The following SPATA7 variants were observed in gnomAD, a reference collection of about 807,000 sequenced individuals.
SPATA7 encodes the protein spermatogenesis associated 7.
Under a neutral mutation model 51.8 loss-of-function variants are expected in SPATA7, and 43 were observed. The observed-to-expected ratio is 0.83, with a 90% CI of 0.65 to 1.07. The LOEUF (loss-of-function observed/expected upper bound fraction) is 1.07, where lower values mean the gene tolerates loss of function less well. Among genes scored for constraint, SPATA7 ranks in the 50% least tolerant of loss-of-function variants. SPATA7 has a pLI of 0.00. For missense variants in SPATA7, 683 were observed against 701.3 expected, an observed-to-expected ratio of 0.97 and a Z score of 0.30; for synonymous variants, 230 against 252.8, an observed-to-expected ratio of 0.91 and a Z score of 0.86.
At chr14:88,423,372 T>TAA (rs1176611400) in intron 5 of SPATA7, among the ~76,000 whole-genome samples, 5 of 70,886 alleles carry the variant, frequency 7.1e-5, no homozygotes, top group African/African-American at 3.2e-4. Context: ...ACCCCATCTC[T>TAA]ACAAAAAAAA....
intron 4 of SPATA7, among the ~76,000 whole-genome samples, chr14:88,407,043 T>C (rs922281797): frequency 6.6e-6 from 1 of 152,178 alleles, no homozygotes; most frequent in Non-Finnish European, 1.5e-5. Flanking sequence ...TGGTTCCAAG[T>C]CTTTGGTATT....
At chr14:88,435,517 G>T (rs1215474449) in intron 10 of SPATA7, among the ~76,000 whole-genome samples, 2 of 152,026 alleles carry the variant, frequency 1.3e-5, no homozygotes, top group Non-Finnish European at 2.9e-5. Context: ...CTGTCAAATG[G>T]TCTTATTCAT....
chr14:88,467,204 C>A (rs1451316591), intron 4 of SPATA7: 3 of 152,170 alleles, frequency 2.0e-5, no homozygotes, highest in Middle Eastern at 3.2e-3. Context: ...TCTCCCAAAA[C>A]GCTTCTCAGC....
At chr14:88,465,187 C>G (rs1009165105) in intron 4 of SPATA7, among the ~76,000 whole-genome samples, 1 of 152,188 alleles carries the variant, frequency 6.6e-6, no homozygotes, top group Non-Finnish European at 1.5e-5. Context: ...GACTTTCTGG[C>G]TGGACACAGT....
chr14:88,388,247 C>T (rs545527874), intron 1 of SPATA7, among the ~76,000 whole-genome samples: 6 of 152,252 alleles, frequency 3.9e-5, no homozygotes, highest in African/African-American at 1.4e-4. Flanking sequence ...AGACACTTAT[C>T]AATGGTAGAT....
At chr14:88,448,772 G>T (rs569805592) in intron 3 of SPATA7, among the ~76,000 whole-genome samples, 2 of 152,228 alleles carry the variant, frequency 1.3e-5, no homozygotes, top group South Asian at 4.1e-4. Context: ...CCCCTGCTTG[G>T]GGGTGCCTCC....
chr14:88,441,774 G>T (rs986238149), downstream of SPATA7, among the ~76,000 whole-genome samples: 1 of 152,094 alleles, frequency 6.6e-6, no homozygotes, highest in Admixed American at 6.6e-5. Context: ...AGATTGCAAA[G>T]ATTTTCTTCA....
intron 2 of SPATA7, among the ~76,000 whole-genome samples, chr14:88,393,113 A>G (rs1415260454): frequency 6.6e-6 from 1 of 152,146 alleles, no homozygotes; most frequent in Non-Finnish European, 1.5e-5. Context: ...CAAAAAAAAA[A>G]TAGTTCTGTA....
At chr14:88,443,492 A>G (rs1050129199) in intron 3 of SPATA7, among the ~76,000 whole-genome samples, 1 of 151,830 alleles carries the variant, frequency 6.6e-6, no homozygotes, top group African/African-American at 2.4e-5. Flanking sequence ...TTTATTTATT[A>G]TTATTATACT....
intron 3 of SPATA7, among the ~76,000 whole-genome samples, chr14:88,450,967 A>T (rs1223456517): frequency 2.0e-5 from 3 of 151,892 alleles, no homozygotes; most frequent in African/African-American, 4.8e-5. Flanking sequence ...CATAATCCCA[A>T]ACTTCTTGGA....
chr14:88,443,281 C>T (rs141000127), downstream of SPATA7, among the ~76,000 whole-genome samples: 161 of 152,240 alleles, frequency 1.1e-3, no homozygotes, highest in African/African-American at 3.5e-3. Flanking sequence ...ATTTCAATCT[C>T]ACTGCTCGTT....
downstream of SPATA7, among the ~76,000 whole-genome samples, chr14:88,456,850 G>A (rs1361440909): frequency 1.3e-5 from 2 of 152,032 alleles, no homozygotes; most frequent in African/African-American, 2.4e-5. Context: ...GGGTTTTTAC[G>A]GTTTTAGGTC....
intron 5 of SPATA7, among the ~76,000 whole-genome samples, chr14:88,421,603 A>G (rs759125790): frequency 2.6e-5 from 4 of 152,210 alleles, no homozygotes; most frequent in Non-Finnish European, 4.4e-5. Context: ...TAATTAAGAC[A>G]TGATTCTATG....
chr14:88,446,154 A>G (rs2077210580), intron 3 of SPATA7, among the ~76,000 whole-genome samples: 1 of 152,148 alleles, frequency 6.6e-6, no homozygotes, highest in Non-Finnish European at 1.5e-5. Context: ...TATTGCCACA[A>G]TTTCAGATCC....
At chr14:88,418,161 C>T (rs1479240308) in intron 5 of SPATA7, among the ~76,000 whole-genome samples, 1 of 152,132 alleles carries the variant, frequency 6.6e-6, no homozygotes, top group East Asian at 1.9e-4. Context: ...TCATCATTCT[C>T]ATCAGAGATT....
intron 1 of SPATA7, among the ~76,000 whole-genome samples, chr14:88,391,135 G>A (rs1463823274): frequency 6.6e-6 from 1 of 152,058 alleles, no homozygotes; most frequent in Non-Finnish European, 1.5e-5. Context: ...TAGCAAACTA[G>A]CCATCTTACC....
At position 88,426,505 on chromosome 14, in the gene SPATA7, G is replaced by C; in HGVS notation, c.646G>C (p.Val216Leu). 6.2e-7 allele frequency: 1 copy of C among 1,614,216 alleles called. No homozygotes were observed. The highest frequency in any genetic ancestry group is 1.1e-5 in the South Asian group (1 of 91,088). ...CCCAAATTCCCACCGGTTTCAGTTAGTCATTTCGAAAGCACCCAGTGGGGA... is the reference window on the plus strand; with the variant it reads ...CCCAAATTCCCACCGGTTTCAGTTACTCATTTCGAAAGCACCCAGTGGGGA... Reference protein sequence around the residue: ...TFPNSHRFQLVISKAPSGDLL... With the variant: ...TFPNSHRFQLLISKAPSGDLL... Residue 216 changes from valine (V) to leucine (L), a missense_variant, in exon 6 of 12, where the codon GTC becomes CTC. Val to Leu is a conservative substitution (Grantham distance 32, BLOSUM62 1). Coordinates refer to ENST00000393545, the MANE Select transcript of SPATA7 (RefSeq NM_018418.5).
chr14:88,400,693 G>T (rs2076031492), intron 4 of SPATA7, among the ~76,000 whole-genome samples: 1 of 152,088 alleles, frequency 6.6e-6, no homozygotes, highest in African/African-American at 2.4e-5. Flanking sequence ...AAATTAGCCA[G>T]ATGTGGTGTT....
rs2077122190 is a variant in SPATA7, at chr14:88,437,549, A to G, written c.1167A>G (p.Leu389=). 6.2e-7 allele frequency: 1 copy of G among 1,610,282 alleles called. No homozygotes were observed. The highest frequency in any genetic ancestry group is 8.5e-7 in the Non-Finnish European group (1 of 1,177,412). The change falls in exon 11 of 12, where the codon TTA becomes TTG. Residue 389 remains leucine (L), a synonymous_variant. Coordinates refer to ENST00000393545, the MANE Select transcript of SPATA7 (RefSeq NM_018418.5). The stretch of plus-strand genomic sequence containing the variant: ...TTTTGTTTATCATTTGTAGGTTTTT[A>G]GAACGACTGTTCGAGCGACATATAA... The part of the protein sequence containing the change: ...LKLGLFSNRF[L]ERLFERHIKQ...
Sources: allele counts gnomAD v4.1 joint callset (sites outside exome capture counted in the v4.1 genomes callset), GRCh38; gene constraint gnomAD v4.1.1; transcripts MANE v1.5; gene names NCBI Gene and HGNC (gene_info 2026-07-23, HGNC 2026-07-21).